Variants in KRT8 observed in about 807,000 individuals in gnomAD.
KRT8 encodes the protein keratin 8.
Under a neutral mutation model 43.0 loss-of-function variants are expected in KRT8, and 24 were observed. The observed-to-expected ratio is 0.56, with a 90% CI of 0.40 to 0.78. The LOEUF is 0.78. Ranked by LOEUF, KRT8 falls within the 30% of genes least tolerant of loss-of-function variation. The pLI, the probability that KRT8 is intolerant of heterozygous loss-of-function variation, is 0.00. For synonymous variants in KRT8, 214 were observed against 261.2 expected, an observed-to-expected ratio of 0.82 and a Z score of 1.74; for missense variants, 492 against 638.4, an observed-to-expected ratio of 0.77 and a Z score of 2.47.
intron 2 of KRT8, among the ~76,000 whole-genome samples, chr12:52,926,246 G>A (rs1251792345): frequency 6.8e-6 from 1 of 146,552 alleles, no homozygotes; most frequent in African/African-American, 2.5e-5. Flanking sequence ...TCACTCCCTA[G>A]CCCAGAGCTT....
At chr12:52,926,341 A>AC in intron 2 of KRT8, 4 of 322,118 alleles carry the variant, frequency 1.2e-5, no homozygotes, top group Non-Finnish European at 1.7e-5. Context: ...TGCCCTCCCC[A>AC]CCCCACCCCC....
At chr12:52,939,990 T>C (rs1389663769) in intron 2 of KRT8, among the ~76,000 whole-genome samples, 1 of 152,068 alleles carries the variant, frequency 6.6e-6, no homozygotes, top group Non-Finnish European at 1.5e-5. Context: ...TAAATATTCA[T>C]CTACTGGTGA....
chr12:52,908,286 C>A (rs184969551), upstream of KRT8, among the ~76,000 whole-genome samples: 10 of 151,900 alleles, frequency 6.6e-5, no homozygotes, highest in Non-Finnish European at 1.2e-4. Flanking sequence ...AGTGCAGTGG[C>A]GCAATCTCGG....
chr12:52,940,625 A>ATTTT (rs71092795), intron 2 of KRT8, among the ~76,000 whole-genome samples: 1 of 127,562 alleles, frequency 7.8e-6, no homozygotes, highest in Non-Finnish European at 1.6e-5. Flanking sequence ...AACACAGTGG[A>ATTTT]TTTTTTTTTT....
intron 2 of KRT8, among the ~76,000 whole-genome samples, chr12:52,923,432 G>T (rs1283254169): frequency 6.6e-6 from 1 of 151,956 alleles, no homozygotes; most frequent in Non-Finnish European, 1.5e-5. Flanking sequence ...GTTTTGTTTT[G>T]TTTTTGAGAT....
intron 2 of KRT8, among the ~76,000 whole-genome samples, chr12:52,913,950 G>T (rs1941684185): frequency 6.6e-6 from 1 of 152,172 alleles, no homozygotes; most frequent in Non-Finnish European, 1.5e-5. Context: ...GCTGAGAGAG[G>T]TGGCTCATGC....
chr12:52,927,295 A>C (rs1161393273), intron 2 of KRT8, among the ~76,000 whole-genome samples: 1 of 152,178 alleles, frequency 6.6e-6, no homozygotes, highest in African/African-American at 2.4e-5. Flanking sequence ...AGGTGGGCCC[A>C]AGGGAGCAGC....
At chr12:52,936,659 T>A (rs915936460) in intron 2 of KRT8, among the ~76,000 whole-genome samples, 2 of 152,160 alleles carry the variant, frequency 1.3e-5, no homozygotes, top group Non-Finnish European at 2.9e-5. Flanking sequence ...ATTACAAGCA[T>A]GGGCCACTAT....
chr12:52,924,969 T>C (rs1211203378), intron 2 of KRT8, among the ~76,000 whole-genome samples: 3 of 152,128 alleles, frequency 2.0e-5, no homozygotes, highest in Non-Finnish European at 4.4e-5. Flanking sequence ...TGACCAGGAA[T>C]GGGGAGGATG....
intron 2 of KRT8, among the ~76,000 whole-genome samples, chr12:52,922,401 G>C (rs984303241): frequency 6.6e-6 from 1 of 152,028 alleles, no homozygotes; most frequent in Admixed American, 6.6e-5. Flanking sequence ...GGCCAGGCAC[G>C]GTGGCTCACG....
chr12:52,949,248 C>T (rs1942417544), intron 2 of KRT8: 4 of 1,611,208 alleles, frequency 2.5e-6, no homozygotes, highest in Middle Eastern at 4.5e-4. Flanking sequence ...CCAGCTACGG[C>T]GCCCGGCCGG....
chr12:52,917,453 A>G (rs1011835634), intron 2 of KRT8, among the ~76,000 whole-genome samples: 1 of 152,050 alleles, frequency 6.6e-6, no homozygotes, highest in Non-Finnish European at 1.5e-5. Context: ...CACACCTGTA[A>G]TCCCAGCACT....
exon 1 of KRT8, chr12:52,904,894 C>T (rs1321446458): frequency 1.9e-6 from 3 of 1,612,756 alleles, no homozygotes; most frequent in Non-Finnish European, 2.5e-6. Flanking sequence ...ATGCGGGAAC[C>T]GGGCCCACTC....
intron 2 of KRT8, among the ~76,000 whole-genome samples, chr12:52,945,256 G>C (rs1020477480): frequency 6.6e-6 from 1 of 152,094 alleles, no homozygotes. Flanking sequence ...CCTCCACTGA[G>C]AGTAGCTGAA....
chr12:52,897,705 T>C (rs1941250101), intron 7 of KRT8, 87 bp from the exon 8 acceptor site: 7 of 1,560,888 alleles, frequency 4.5e-6, no homozygotes, highest in South Asian at 1.1e-5. Context: ...ATTCCCAACA[T>C]AGCCCCAGGG....
rs762342189 is a variant in KRT8, at chr12:52,898,901, T to C, written c.982-2A>G. On this transcript the variant is annotated splice_acceptor_variant, in intron 5 of 7. Coordinates refer to ENST00000692008, the Ensembl canonical transcript of KRT8. LOFTEE classifies it high-confidence loss of function. ...AATGGCGGCCTCCAGGGAAGCCCTCTGTGGGGTAGGGGACAGGTAAGTAGG... is the reference window on the plus strand; with the variant it reads ...AATGGCGGCCTCCAGGGAAGCCCTCCGTGGGGTAGGGGACAGGTAAGTAGG... 6.2e-7 allele frequency: 1 copy of C among 1,613,134 alleles called. No individual in the cohort carries two copies. Among genetic ancestry groups the C allele is most frequent in the South Asian group, 1.1e-5 (1 of 91,036 alleles).
intron 3 of KRT8, 118 bp from the exon 4 acceptor site, chr12:52,900,801 A>C: frequency 2.7e-6 from 2 of 733,822 alleles, no homozygotes; most frequent in Non-Finnish European, 4.9e-6. Flanking sequence ...CACTTTGTGG[A>C]TTGATCTTCC....
intron 2 of KRT8, among the ~76,000 whole-genome samples, chr12:52,927,539 G>A (rs1251381830): frequency 6.6e-6 from 1 of 152,222 alleles, no homozygotes; most frequent in Non-Finnish European, 1.5e-5. Flanking sequence ...TGGGAGCAAA[G>A]GTCCTGGCCA....
chr12:52,949,359 C>G (rs771773665), intron 2 of KRT8: 1 of 1,610,600 alleles, frequency 6.2e-7, no homozygotes, highest in Non-Finnish European at 8.5e-7. Context: ...GGTCCGGGGG[C>G]CTGGCCACCG....
Sources: allele counts gnomAD v4.1 joint callset (sites outside exome capture counted in the v4.1 genomes callset), GRCh38; gene constraint gnomAD v4.1.1; transcripts MANE v1.5; gene names NCBI Gene and HGNC (gene_info 2026-07-23, HGNC 2026-07-21).